Variants in ANKRD31 observed in about 807,000 individuals in gnomAD.
The protein encoded by ANKRD31 is ankyrin repeat domain 31, also known as ankyrin repeat domain-containing protein 31.
In ANKRD31, 147 loss-of-function variants were observed where a neutral mutation model predicts 186.0. The ratio of observed to expected loss-of-function variants is 0.79; its 90% CI spans 0.69 to 0.91. ANKRD31 has a LOEUF of 0.91. ANKRD31 is among the 40% of genes least tolerant of loss of function. The pLI is 0.00. For missense variants in ANKRD31, 1,986 were observed against 2,148.8 expected, an observed-to-expected ratio of 0.92 and a Z score of 1.50; for synonymous variants, 673 against 736.4, an observed-to-expected ratio of 0.91 and a Z score of 1.39.
At chr5:75,137,029 G>T (rs1036543387) in intron 17 of ANKRD31, among the ~76,000 whole-genome samples, 2 of 152,096 alleles carry the variant, frequency 1.3e-5, no homozygotes, top group African/African-American at 4.8e-5. Flanking sequence ...GGGGGTAGGG[G>T]GGAGGGATAG....
chr5:75,073,498 A>T (rs1436126395), intron 25 of ANKRD31, among the ~76,000 whole-genome samples: 2 of 152,176 alleles, frequency 1.3e-5, no homozygotes, highest in African/African-American at 4.8e-5. Flanking sequence ...CTTCTCAATT[A>T]ATACACTGAA....
rs5868765 is a variant in ANKRD31 at position 75,138,014 on chromosome 5, G to GAA, written c.3734-18_3734-17dup. 0.013 allele frequency: 16,382 copies of GAA among 1,223,356 alleles called. No homozygotes were observed. Among genetic ancestry groups the GAA allele is most frequent in the South Asian group, 0.037 (1,862 of 51,012 alleles). 75.8% of individuals were successfully genotyped at this position (1,223,356 alleles called of 1,614,324 possible). A position where few individuals can be genotyped will look rare whatever the true frequency, so the allele number is the denominator to read the frequency against. The stretch of plus-strand genomic sequence containing the variant: ...GGTGTCCAACCTAAAAAAAGAAAAA[G>GAA]AAAAAAAAAAACCCTGCTTCATGCG... On this transcript the variant is annotated splice_polypyrimidine_tract_variant and intron_variant, in intron 16 of 25. Coordinates refer to ENST00000506364, the MANE Select transcript of ANKRD31 (RefSeq NM_001372053.1).
At chr5:75,136,062 C>T (rs946707342) in intron 17 of ANKRD31, among the ~76,000 whole-genome samples, 3 of 150,804 alleles carry the variant, frequency 2.0e-5, no homozygotes, top group East Asian at 1.9e-4. Flanking sequence ...CCATAAAAAC[C>T]GCAGAAAACC....
intron 25 of ANKRD31, among the ~76,000 whole-genome samples, chr5:75,073,996 A>G (rs1436265074): frequency 6.6e-6 from 1 of 152,206 alleles, no homozygotes; most frequent in Non-Finnish European, 1.5e-5. Flanking sequence ...TTTATATTCC[A>G]GCTTGTTTTA....
intron 25 of ANKRD31, among the ~76,000 whole-genome samples, chr5:75,072,628 T>C (rs1227332318): frequency 6.6e-6 from 1 of 152,156 alleles, no homozygotes; most frequent in East Asian, 1.9e-4. Context: ...TAATCTTACA[T>C]AATACAGAAC....
chr5:75,230,116 TCCAG>T (rs1260248289), intron 2 of ANKRD31, among the ~76,000 whole-genome samples: 34 of 151,974 alleles, frequency 2.2e-4, no homozygotes, highest in East Asian at 5.9e-4. Context: ...TGGACTGGCC[TCCAG>T]TCCGGGGTTG....
intron 2 of ANKRD31, among the ~76,000 whole-genome samples, chr5:75,229,403 C>A (rs377638018): frequency 2.0e-5 from 3 of 152,108 alleles, no homozygotes; most frequent in Non-Finnish European, 2.9e-5. Context: ...CACTTCAATA[C>A]CTCCGTTGCC....
chr5:75,115,480 A>C lies in ANKRD31; in HGVS notation c.4155+1086T>G, dbSNP rs112193358. On this transcript the variant is annotated intron_variant, in intron 19 of 25. Coordinates refer to ENST00000506364, the MANE Select transcript of ANKRD31 (RefSeq NM_001372053.1). ...ATCAGAGTGAACAGGCAACCTACAA[A>C]ATGGGAGAAAATTTTTGCAACCTAC... Among the ~76,000 whole-genome samples, 492 of 151,426 alleles carry C rather than the reference A, an allele frequency of 3.2e-3. 2 individuals are homozygous for C. Among genetic ancestry groups the C allele is most frequent in the African/African-American group, 9.9e-3 (410 of 41,400 alleles).
chr5:75,094,645 G>GA (rs1416335707), intron 22 of ANKRD31, among the ~76,000 whole-genome samples: 2 of 151,978 alleles, frequency 1.3e-5, no homozygotes, highest in East Asian at 1.9e-4. Context: ...GAGGTATATT[G>GA]AAACAAAAAA....
At chr5:75,172,005 A>T (rs1208518782) in intron 10 of ANKRD31, among the ~76,000 whole-genome samples, 3 of 151,916 alleles carry the variant, frequency 2.0e-5, no homozygotes, top group Admixed American at 6.6e-5. Context: ...ATAAAGATAG[A>T]TTTTTTAAAA....
At chr5:75,177,793 A>G (rs541072696) in intron 10 of ANKRD31, among the ~76,000 whole-genome samples, 58 of 152,252 alleles carry the variant, frequency 3.8e-4, no homozygotes, top group Non-Finnish European at 4.7e-4. Context: ...CAAATTGTAA[A>G]GACCGTCGAT....
chr5:75,139,880 G>A (rs1750884124), intron 15 of ANKRD31, among the ~76,000 whole-genome samples: 1 of 152,110 alleles, frequency 6.6e-6, no homozygotes, highest in Admixed American at 6.6e-5. Context: ...ACATAGAAAA[G>A]TTGGGACTCC....
intron 25 of ANKRD31, among the ~76,000 whole-genome samples, chr5:75,077,611 C>T (rs900289138): frequency 1.3e-5 from 2 of 151,816 alleles, no homozygotes; most frequent in Non-Finnish European, 2.9e-5. Flanking sequence ...TGTACAAAAA[C>T]GAACCCTGAA....
At chr5:75,127,218 A>G (rs1749328931) in intron 17 of ANKRD31, among the ~76,000 whole-genome samples, 1 of 151,738 alleles carries the variant, frequency 6.6e-6, no homozygotes, top group South Asian at 2.1e-4. Context: ...GAACACATAT[A>G]TGAGGGTCTA....
In ANKRD31 at chr5:75,236,817, G is replaced by C; in HGVS notation, c.-131C>G. 3.7e-6 allele frequency: 3 copies of C among 805,390 alleles called. No homozygotes were observed. The highest frequency in any genetic ancestry group is 5.6e-6 in the Non-Finnish European group (3 of 536,374). 49.9% of individuals were successfully genotyped at this position (805,390 alleles called of 1,614,324 possible). ...ATAATATAATCGCAGCAGGAGCCGG[G>C]ACTTGTCGCAGGGCTGCTGAGGAGG... is the stretch of plus-strand genomic sequence containing the variant. On this transcript the variant is annotated 5_prime_UTR_variant, in exon 1 of 26. Transcript: ENST00000506364.
At chr5:75,139,630 G>A (rs1750860254) in intron 15 of ANKRD31, among the ~76,000 whole-genome samples, 1 of 152,066 alleles carries the variant, frequency 6.6e-6, no homozygotes. Flanking sequence ...AAACAATAAA[G>A]GACAAAGACT....
chr5:75,081,722 G>A (rs1338943555), intron 24 of ANKRD31, among the ~76,000 whole-genome samples: 1 of 150,978 alleles, frequency 6.6e-6, no homozygotes, highest in Non-Finnish European at 1.5e-5. Context: ...GAGAGACAGA[G>A]AGAGAGAGAG....
At position 75,146,542 on chromosome 5, in the gene ANKRD31, C is replaced by G. The variant is rs1167850303; in HGVS notation, c.2869G>C (p.Glu957Gln). 1.3e-6 allele frequency: 2 copies of G among 1,536,442 alleles called. No individual in the cohort carries two copies. The highest frequency in any genetic ancestry group is 2.4e-5 in the South Asian group (2 of 84,002). Residue 957 changes from glutamate to glutamine, a missense_variant, in exon 14 of 26, where the codon GAG (glutamate) becomes CAG (glutamine). By Grantham distance (29) the Glu-to-Gln change is conservative (BLOSUM62 2). Coordinates refer to ENST00000506364, the MANE Select transcript of ANKRD31 (RefSeq NM_001372053.1). ...GTGGTTAGGCTGACTGCTTTTAACT[C>G]ATTTTCCTGTGAAAGATGATCTTCA... is the stretch of plus-strand genomic sequence containing the variant. ...LSEDHLSQENELKAVSLTTLP... is the reference protein window; with the variant it reads ...LSEDHLSQENQLKAVSLTTLP...
At chr5:75,119,358 T>C (rs903915875) in intron 17 of ANKRD31, among the ~76,000 whole-genome samples, 1 of 152,342 alleles carries the variant, frequency 6.6e-6, no homozygotes, top group Admixed American at 6.5e-5. Flanking sequence ...TGGAATTTGA[T>C]TTTTCTGTTC....
Sources: allele counts gnomAD v4.1 joint callset (sites outside exome capture counted in the v4.1 genomes callset), GRCh38; gene constraint gnomAD v4.1.1; transcripts MANE v1.5; gene names NCBI Gene and HGNC (gene_info 2026-07-23, HGNC 2026-07-21).